TMEM52B: variants seen among roughly 807,000 people sequenced by gnomAD.
The protein encoded by TMEM52B is transmembrane protein 52B, also known as chromosome 12 open reading frame 59.
Under a neutral mutation model 16.1 loss-of-function variants are expected in TMEM52B, and 11 were observed. The ratio of observed to expected loss-of-function variants is 0.68; its 90% CI spans 0.43 to 1.13. The LOEUF is 1.13. Among genes scored for constraint, TMEM52B ranks in the 50% most tolerant of loss-of-function variants. TMEM52B has a pLI of 0.00. For missense variants in TMEM52B, 243 were observed against 230.4 expected, an observed-to-expected ratio of 1.05 and a Z score of -0.35; for synonymous variants, 101 against 93.8, an observed-to-expected ratio of 1.08 and a Z score of -0.45.
At chr12:10,188,542 G>GGAAGGAAGGAAAAGAAGAAA in intron 4 of TMEM52B, among the ~76,000 whole-genome samples, 1 of 75,212 alleles carries the variant, frequency 1.3e-5, no homozygotes, top group African/African-American at 4.4e-5. Flanking sequence ...GGAAGGAAAA[G>GGAAGGAAGGAAAAGAAGAAA]AAGAAAAAGA....
At chr12:10,174,064 G>GTTTGTTTT (rs1373908940), upstream of TMEM52B, among the ~76,000 whole-genome samples, 1 of 151,430 alleles carries the variant, frequency 6.6e-6, no homozygotes, top group African/African-American at 2.4e-5. Flanking sequence ...TTGTTTGTTT[G>GTTTGTTTT]TTTGTTTGTT....
intron 1 of TMEM52B, among the ~76,000 whole-genome samples, chr12:10,171,222 A>G (rs1398609428): frequency 1.3e-5 from 2 of 152,200 alleles, no homozygotes; most frequent in East Asian, 1.9e-4. Context: ...GTTTTTGGAA[A>G]TGTAATTTGG....
At chr12:10,172,689 G>A (rs980878078) in intron 1 of TMEM52B, among the ~76,000 whole-genome samples, 2 of 152,186 alleles carry the variant, frequency 1.3e-5, no homozygotes, top group African/African-American at 4.8e-5. Flanking sequence ...CCAGTGTAAC[G>A]TAGCAGCAGA....
At chr12:10,182,443 T>C (rs1254841532) in intron 1 of TMEM52B, 107 bp from the exon 2 acceptor site, 7 of 1,444,298 alleles carry the variant, frequency 4.8e-6, no homozygotes, top group Non-Finnish European at 6.4e-6. Flanking sequence ...ACCGTGACCT[T>C]CTTACTGCTT....
At chr12:10,184,568 G>A (rs530402696) in intron 2 of TMEM52B, among the ~76,000 whole-genome samples, 9 of 152,172 alleles carry the variant, frequency 5.9e-5, no homozygotes, top group African/African-American at 1.9e-4. Context: ...TGGTGTGTGC[G>A]GAAATCCTCA....
At position 10,173,760 on chromosome 12, in the gene TMEM52B, CT is replaced by C. The variant is rs759239388; in HGVS notation, c.-95+2912del. 3.0e-3 allele frequency among the ~76,000 whole-genome samples: 393 copies of C among 131,020 alleles called. 4 individuals are homozygous for C. Among genetic ancestry groups the C allele is most frequent in the African/African-American group, 0.01 (364 of 35,548 alleles). 86.0% of individuals were successfully genotyped at this position (131,020 alleles called of 152,430 possible). A position where few individuals can be genotyped will look rare whatever the true frequency, so the allele number is the denominator to read the frequency against. Reference sequence around the variant, plus strand: ...AGCCTGGGCAACAGAGCGAGACTCCCTTTAAAAAAAAAAAAAAAAAAGAATT... The same window carrying C: ...AGCCTGGGCAACAGAGCGAGACTCCCTTAAAAAAAAAAAAAAAAAAGAATT... On this transcript the variant is annotated intron_variant, in intron 1 of 5. Transcript: ENST00000381923.
intron 4 of TMEM52B, among the ~76,000 whole-genome samples, chr12:10,188,649 T>C (rs947251679): frequency 2.0e-5 from 3 of 151,252 alleles, no homozygotes; most frequent in African/African-American, 7.3e-5. Flanking sequence ...GGTGGATTAT[T>C]TGAGGTCAGG....
intron 1 of TMEM52B, among the ~76,000 whole-genome samples, chr12:10,173,262 G>A (rs1948738527): frequency 6.6e-6 from 1 of 151,892 alleles, no homozygotes; most frequent in Non-Finnish European, 1.5e-5. Flanking sequence ...GTATTTATAA[G>A]CAAAATGATA....
intron 2 of TMEM52B, 152 bp from the exon 3 acceptor site, chr12:10,185,178 C>A: frequency 1.6e-6 from 1 of 632,972 alleles, no homozygotes; most frequent in Non-Finnish European, 2.8e-6. Context: ...GCAAAAGATT[C>A]AACTAGCTAC....
intron 2 of TMEM52B, among the ~76,000 whole-genome samples, 180 bp downstream of exon 2, chr12:10,182,773 A>C (rs1948838783): frequency 6.6e-6 from 1 of 152,196 alleles, no homozygotes. Context: ...TTAAGCACTC[A>C]AAATAACACT....
In TMEM52B at chr12:10,179,616, G is replaced by A. The variant is rs1014229432; in HGVS notation, c.42G>A (p.Leu14=). 1 of 1,614,084 alleles carries A rather than the reference G, an allele frequency of 6.2e-7. No homozygotes were observed. The part of the protein sequence containing the change: ...RVHVVAASAL[L]YFILLSGTRC... ...ATGTCGTGGCGGCCTCAGCCCTGCT[G>A]TATTTCATCCTGGTGAGTTCAGTGG... is the stretch of plus-strand genomic sequence containing the variant. The change falls in exon 1 of 5, where the codon CTG becomes CTA. Residue 14 remains leucine, a synonymous_variant. Transcript: ENST00000543484.
chr12:10,179,729 T>G, intron 1 of TMEM52B, 101 bp downstream of exon 1: 2 of 1,396,396 alleles, frequency 1.4e-6, no homozygotes, highest in African/African-American at 1.4e-5. Flanking sequence ...GGGAGACATA[T>G]ACAGAACCCA....
intron 1 of TMEM52B, chr12:10,172,233 A>G (rs1405945144): frequency 3.4e-6 from 2 of 586,062 alleles, no homozygotes; most frequent in African/African-American, 1.9e-5. Flanking sequence ...TTTGCTTCAT[A>G]TTGGGAAGTT....
At chr12:10,175,714 G>A (rs1948760678), upstream of TMEM52B, among the ~76,000 whole-genome samples, 1 of 152,168 alleles carries the variant, frequency 6.6e-6, no homozygotes, top group Non-Finnish European at 1.5e-5. Context: ...GATCTCCCAA[G>A]GGTTGCAAAG....
chr12:10,179,863 C>T (rs897407455), intron 1 of TMEM52B, among the ~76,000 whole-genome samples: 8 of 152,182 alleles, frequency 5.3e-5, no homozygotes, highest in African/African-American at 1.9e-4. Flanking sequence ...AGCATGGAAA[C>T]GAGCAGGATT....
At chr12:10,174,311 C>T (rs368338596), upstream of TMEM52B, among the ~76,000 whole-genome samples, 30 of 152,298 alleles carry the variant, frequency 2.0e-4, no homozygotes, top group African/African-American at 6.3e-4. Flanking sequence ...GATCCGCCTG[C>T]CTCAGCCTCC....
upstream of TMEM52B, chr12:10,175,590 T>C (rs915892611): frequency 9.9e-5 from 15 of 152,270 alleles, no homozygotes; most frequent in Non-Finnish European, 1.5e-4. Context: ...TGAATCCTTC[T>C]GTCTTGTTTA....
intron 1 of TMEM52B, among the ~76,000 whole-genome samples, chr12:10,181,059 G>T (rs947834831): frequency 3.3e-5 from 5 of 152,008 alleles, no homozygotes; most frequent in Admixed American, 2.6e-4. Flanking sequence ...CACCCACCTC[G>T]GCCTCCCAAA....
chr12:10,185,747 A>G (rs539477505), intron 3 of TMEM52B, among the ~76,000 whole-genome samples: 18 of 152,270 alleles, frequency 1.2e-4, no homozygotes, highest in African/African-American at 4.1e-4. Context: ...CATCTCTATT[A>G]AAAATACAAA....
Sources: gnomAD v4.1 joint callset for allele counts (sites outside exome capture counted in the v4.1 genomes callset) on GRCh38, gnomAD v4.1.1 for gene constraint, MANE v1.5 for transcripts, NCBI Gene and HGNC (gene_info 2026-07-23, HGNC 2026-07-21) for gene names.